Variants in PALLD observed in about 807,000 individuals in gnomAD.
PALLD encodes palladin, cytoskeletal associated protein, also known as palladin.
PALLD carries 61 observed loss-of-function variants against 123.5 expected under a neutral mutation model. The observed-to-expected ratio is 0.49, with a 90% CI of 0.40 to 0.61. PALLD has a LOEUF of 0.61. PALLD is among the 20% of genes least tolerant of loss of function. PALLD has a pLI of 0.00. For missense variants in PALLD, 1,273 were observed against 1,377.0 expected, an observed-to-expected ratio of 0.92 and a Z score of 1.20; for synonymous variants, 465 against 496.4, an observed-to-expected ratio of 0.94 and a Z score of 0.84.
chr4:168,693,604 A>G (rs2150132657), intron 8 of PALLD, among the ~76,000 whole-genome samples: 1 of 152,318 alleles, frequency 6.6e-6, no homozygotes, highest in Middle Eastern at 3.4e-3. Flanking sequence ...AGATTCCTTC[A>G]TTCCAACTAC....
At chr4:168,639,790 C>T (rs11935467) in intron 2 of PALLD, among the ~76,000 whole-genome samples, 2,887 of 152,200 alleles carry the variant, frequency 0.019, 89 homozygotes, top group African/African-American at 0.062. Context: ...GTGATCCGCC[C>T]GCCTCGGCCA....
At chr4:168,511,305 AT>A (rs1762509284) in intron 1 of PALLD, 117 bp from the exon 2 acceptor site, 3 of 563,558 alleles carry the variant, frequency 5.3e-6, no homozygotes, top group Non-Finnish European at 9.4e-6. Flanking sequence ...AACTTGTAAA[AT>A]AAAGAAAACT....
chr4:168,725,250 G>A (rs183342085), intron 10 of PALLD, among the ~76,000 whole-genome samples: 1 of 152,212 alleles, frequency 6.6e-6, no homozygotes, highest in East Asian at 1.9e-4. Context: ...TTATAAATAG[G>A]TCAAAAATGG....
At chr4:168,736,845 G>T (rs1787808438) in intron 10 of PALLD, among the ~76,000 whole-genome samples, 1 of 152,144 alleles carries the variant, frequency 6.6e-6, no homozygotes, top group African/African-American at 2.4e-5. Context: ...CAACTGTGAT[G>T]AAGAGACAAG....
At chr4:168,859,043 T>C (rs1020114465) in intron 10 of PALLD, among the ~76,000 whole-genome samples, 41 of 152,332 alleles carry the variant, frequency 2.7e-4, no homozygotes, top group African/African-American at 9.6e-4. Context: ...GGAGAAAAAT[T>C]TGTAGCATTT....
chr4:168,747,487 A>G (rs1730477528), intron 10 of PALLD, among the ~76,000 whole-genome samples: 1 of 152,252 alleles, frequency 6.6e-6, no homozygotes, highest in African/African-American at 2.4e-5. Context: ...CTATTTCCAG[A>G]GTTAAAACTT....
intron 2 of PALLD, among the ~76,000 whole-genome samples, chr4:168,667,188 G>GA (rs1331434397): frequency 2.6e-5 from 4 of 151,998 alleles, no homozygotes; most frequent in African/African-American, 4.8e-5. Flanking sequence ...TCTAAATACA[G>GA]AAAAAACATG....
intron 10 of PALLD, among the ~76,000 whole-genome samples, chr4:168,863,395 C>T (rs1749776964): frequency 6.6e-6 from 1 of 152,212 alleles, no homozygotes; most frequent in Non-Finnish European, 1.5e-5. Context: ...AGCCCTCTCA[C>T]TGCAAGCAAG....
At chr4:168,619,471 T>A (rs963119544) in intron 2 of PALLD, among the ~76,000 whole-genome samples, 5 of 152,224 alleles carry the variant, frequency 3.3e-5, no homozygotes, top group African/African-American at 1.2e-4. Flanking sequence ...TAATCCAACC[T>A]GCACATGAAG....
At chr4:168,626,049 G>C (rs1775235404) in intron 2 of PALLD, among the ~76,000 whole-genome samples, 1 of 151,280 alleles carries the variant, frequency 6.6e-6, no homozygotes, top group Non-Finnish European at 1.5e-5. Flanking sequence ...GGATCACGAG[G>C]TCAGGAGATC....
intron 10 of PALLD, among the ~76,000 whole-genome samples, chr4:168,834,741 T>TA (rs538270317): frequency 6.7e-5 from 10 of 149,980 alleles, no homozygotes; most frequent in South Asian, 2.1e-4. Flanking sequence ...CATCTAAAAA[T>TA]AAAAAAAAAA....
At chr4:168,523,344 A>C (rs1457516636) in intron 2 of PALLD, among the ~76,000 whole-genome samples, 2 of 152,122 alleles carry the variant, frequency 1.3e-5, no homozygotes, top group African/African-American at 4.8e-5. Context: ...GTTCTTTTAA[A>C]GTCAGAAAGA....
At chr4:168,599,501 A>G (rs1561289862) in intron 2 of PALLD, among the ~76,000 whole-genome samples, 1 of 151,986 alleles carries the variant, frequency 6.6e-6, no homozygotes, top group African/African-American at 2.4e-5. Context: ...AAAAATATTC[A>G]ATGAAGCATT....
intron 10 of PALLD, among the ~76,000 whole-genome samples, chr4:168,813,474 T>G (rs1408698514): frequency 6.6e-6 from 1 of 152,134 alleles, no homozygotes; most frequent in African/African-American, 2.4e-5. Context: ...TGGTTGATTT[T>G]AGAGATAAGG....
chr4:168,728,130 C>A (rs1222840412), intron 10 of PALLD, among the ~76,000 whole-genome samples: 1 of 152,158 alleles, frequency 6.6e-6, no homozygotes, highest in African/African-American at 2.4e-5. Context: ...AGCTTGAAGT[C>A]AAGTAATGTG....
intron 10 of PALLD, among the ~76,000 whole-genome samples, chr4:168,791,016 CTA>C: frequency 6.6e-6 from 1 of 152,236 alleles, no homozygotes; most frequent in Admixed American, 6.5e-5. Context: ...TTCCATATCC[CTA>C]TGTTATAACA....
In PALLD at chr4:168,878,235, C is replaced by T. The variant is rs1201472346; in HGVS notation, c.1965-12687C>T. The T allele has an allele frequency of 3.3e-6, 5 of 1,521,898 alleles. No homozygotes were observed. The highest frequency in any genetic ancestry group is 2.4e-5 in the South Asian group (2 of 82,316). The allele number at this position is 1,521,898 out of a possible 1,614,324, so 94.3% of individuals were successfully genotyped here. A position where few individuals can be genotyped will look rare whatever the true frequency, so the allele number is the denominator to read the frequency against. ...GTGTTCCCACTGCCGCCGCCACCACCGCCGCTCCCGAGCCCGGGACAGGCG... is the reference window on the plus strand; with the variant it reads ...GTGTTCCCACTGCCGCCGCCACCACTGCCGCTCCCGAGCCCGGGACAGGCG... On this transcript the variant is annotated intron_variant, in intron 10 of 21. Transcript: ENST00000505667.
intron 10 of PALLD, among the ~76,000 whole-genome samples, chr4:168,726,660 G>A (rs543116905): frequency 6.6e-6 from 1 of 152,046 alleles, no homozygotes; most frequent in Admixed American, 6.5e-5. Context: ...TGAGATTATA[G>A]GCATGAGCCA....
rs149130178 is a variant in PALLD, at chr4:168,839,861, T to C, written c.1965-51061T>C. Among the ~76,000 whole-genome samples, 195 of 152,246 alleles carry C rather than the reference T, an allele frequency of 1.3e-3. 1 individual carries two copies. The highest frequency in any genetic ancestry group is 2.4e-3 in the Non-Finnish European group (165 of 67,998). On this transcript the variant is annotated intron_variant, in intron 10 of 21. Coordinates refer to ENST00000505667, the MANE Select transcript of PALLD (RefSeq NM_001166108.2). ...GTTTGCCCCCAAAGAGAGCATAAAG[T>C]AAGAAAATTGGGCTCTCCGTGTTTC...
Sources: gnomAD v4.1 joint callset for allele counts (sites outside exome capture counted in the v4.1 genomes callset) on GRCh38, gnomAD v4.1.1 for gene constraint, MANE v1.5 for transcripts, NCBI Gene and HGNC (gene_info 2026-07-23, HGNC 2026-07-21) for gene names.